SMYD3: variants seen among roughly 807,000 people sequenced by gnomAD.
The protein encoded by SMYD3 is SET and MYND domain containing 3.
Under a neutral mutation model 57.7 loss-of-function variants are expected in SMYD3, and 36 were observed. The ratio of observed to expected loss-of-function variants is 0.62; its 90% CI spans 0.48 to 0.82. The LOEUF (loss-of-function observed/expected upper bound fraction) is 0.82, where lower values mean the gene tolerates loss of function less well. Ranked by LOEUF, SMYD3 falls within the 40% of genes least tolerant of loss-of-function variation. The pLI is 0.00. For synonymous variants in SMYD3, 211 were observed against 195.0 expected, an observed-to-expected ratio of 1.08 and a Z score of -0.68; for missense variants, 515 against 538.8, an observed-to-expected ratio of 0.96 and a Z score of 0.44.
At chr1:245,893,403 C>A (rs2053519232) in intron 8 of SMYD3, among the ~76,000 whole-genome samples, 1 of 152,164 alleles carries the variant, frequency 6.6e-6, no homozygotes, top group Non-Finnish European at 1.5e-5. Flanking sequence ...TGCACAATAA[C>A]CTGTATGTGA....
chr1:246,189,436 G>T (rs1465572196), intron 5 of SMYD3, among the ~76,000 whole-genome samples: 1 of 152,124 alleles, frequency 6.6e-6, no homozygotes, highest in Non-Finnish European at 1.5e-5. Flanking sequence ...ATATATGTTT[G>T]TTTTTGCTAT....
chr1:245,850,481 C>A (rs1398799400), intron 10 of SMYD3, among the ~76,000 whole-genome samples: 8 of 152,090 alleles, frequency 5.3e-5, no homozygotes, highest in African/African-American at 1.7e-4. Flanking sequence ...CACTTGGGCC[C>A]AGGAGTTCAA....
At chr1:246,467,198 A>T (rs2067894708) in intron 1 of SMYD3, among the ~76,000 whole-genome samples, 1 of 152,174 alleles carries the variant, frequency 6.6e-6, no homozygotes, top group African/African-American at 2.4e-5. Context: ...AAATTTAAAA[A>T]TAAAATACAC....
At chr1:246,294,163 C>T (rs2064749709) in intron 5 of SMYD3, among the ~76,000 whole-genome samples, 1 of 152,072 alleles carries the variant, frequency 6.6e-6, no homozygotes, top group East Asian at 1.9e-4. Context: ...ACATTCCTTC[C>T]ACCTCCACAG....
At chr1:246,252,545 CTG>C (rs1363531158) in intron 5 of SMYD3, among the ~76,000 whole-genome samples, 1 of 151,152 alleles carries the variant, frequency 6.6e-6, no homozygotes, top group Non-Finnish European at 1.5e-5. Flanking sequence ...TTAAAGGTTT[CTG>C]TTTAAAAAAA....
intron 5 of SMYD3, among the ~76,000 whole-genome samples, chr1:246,076,962 G>A (rs899204199): frequency 6.6e-6 from 1 of 152,164 alleles, no homozygotes. Flanking sequence ...AAAGGAGAGA[G>A]ACAATCTTTT....
intron 5 of SMYD3, among the ~76,000 whole-genome samples, chr1:246,225,607 G>A (rs2063320109): frequency 6.6e-6 from 1 of 152,084 alleles, no homozygotes; most frequent in Non-Finnish European, 1.5e-5. Flanking sequence ...GGTGACAACA[G>A]AAGTTACGGA....
In SMYD3 at chr1:246,138,488, C is replaced by G. The variant is rs541481205; in HGVS notation, c.531+188713G>C. Among the ~76,000 whole-genome samples, 729 of 131,602 alleles carry G rather than the reference C, an allele frequency of 5.5e-3. 64 individuals carry two copies. Among genetic ancestry groups the G allele is most frequent in the Non-Finnish European group, 7.7e-3 (427 of 55,668 alleles). 86.3% of individuals were successfully genotyped at this position (131,602 alleles called of 152,430 possible). ...TCGCCCAGGCTGGAGTGCAGTGGCG[C>G]GATCTCAGCTCACTGCAAGCTCCGC... On this transcript the variant is annotated intron_variant, in intron 5 of 11. Coordinates refer to ENST00000490107, the MANE Select transcript of SMYD3 (RefSeq NM_001167740.2).
Position 246,427,530 on chromosome 1 carries a change from A to AAT in SMYD3, c.165-72437_165-72436insAT, listed in dbSNP as rs1553347265. On this transcript the variant is annotated intron_variant, in intron 1 of 11. Transcript: ENST00000490107. ...GCGAGACTCCGTCTCAAAAAAAAAA[A>AAT]AAATAAAAAAAAATAAATGTGAGCA... 4.2e-4 allele frequency among the ~76,000 whole-genome samples: 64 copies of AAT among 151,034 alleles called. 1 individual carries two copies. The highest frequency in any genetic ancestry group is 1.5e-3 in the African/African-American group (63 of 40,904).
rs992798830 is a variant in SMYD3, at chr1:246,355,167, A to G, written c.165-73T>C. 2.6e-5 allele frequency: 37 copies of G among 1,432,504 alleles called. 1 individual carries two copies. Among genetic ancestry groups the G allele is most frequent in the Non-Finnish European group, 3.4e-5 (35 of 1,016,134 alleles). 88.7% of individuals were successfully genotyped at this position (1,432,504 alleles called of 1,614,324 possible). On this transcript the variant is annotated intron_variant, in intron 1 of 11. Coordinates refer to ENST00000490107, the MANE Select transcript of SMYD3 (RefSeq NM_001167740.2). The surrounding 1 kb of genome is among the most constrained non-coding windows in gnomAD (Gnocchi z 5.0). ...TAGTACATAGTTGAAGAAAGAAAAC[A>G]TAAGTCAACATACGGACACCCGTAT...
intron 8 of SMYD3, among the ~76,000 whole-genome samples, chr1:245,892,426 C>T (rs2053444776): frequency 6.6e-6 from 1 of 152,198 alleles, no homozygotes; most frequent in Non-Finnish European, 1.5e-5. Flanking sequence ...AAAATTAAGA[C>T]CATCACAGGG....
intron 5 of SMYD3, among the ~76,000 whole-genome samples, chr1:246,087,820 C>G (rs1210543076): frequency 2.6e-5 from 4 of 152,156 alleles, no homozygotes; most frequent in Non-Finnish European, 5.9e-5. Flanking sequence ...TGAAGACTTA[C>G]GCGGACTGAA....
chr1:246,275,262 C>T (rs917622208), intron 5 of SMYD3, among the ~76,000 whole-genome samples: 6 of 152,254 alleles, frequency 3.9e-5, no homozygotes, highest in Admixed American at 3.9e-4. Flanking sequence ...ATGATACATA[C>T]AAGAACGGCA....
intron 5 of SMYD3, among the ~76,000 whole-genome samples, chr1:246,112,426 A>T (rs991630312): frequency 3.3e-5 from 5 of 152,208 alleles, no homozygotes; most frequent in African/African-American, 1.2e-4. Flanking sequence ...TAATTATTGT[A>T]TATTTGGATT....
At chr1:246,164,721 T>A (rs1171658250) in intron 5 of SMYD3, among the ~76,000 whole-genome samples, 3 of 152,224 alleles carry the variant, frequency 2.0e-5, no homozygotes, top group African/African-American at 7.2e-5. Context: ...ACAAGACTGA[T>A]AACGTCTCTG....
chr1:246,038,343 T>C (rs186254007), intron 5 of SMYD3, among the ~76,000 whole-genome samples: 4 of 152,202 alleles, frequency 2.6e-5, no homozygotes, highest in Admixed American at 6.5e-5. Context: ...AGTCAGACCA[T>C]GCTACCACCA....
chr1:246,011,043 A>G (rs554546330), intron 5 of SMYD3, among the ~76,000 whole-genome samples: 1 of 152,202 alleles, frequency 6.6e-6, no homozygotes, highest in Non-Finnish European at 1.5e-5. Flanking sequence ...GTCTAGCACC[A>G]CATTGGGACT....
intron 5 of SMYD3, among the ~76,000 whole-genome samples, chr1:245,955,398 T>G (rs1306392590): frequency 6.6e-6 from 1 of 152,232 alleles, no homozygotes; most frequent in Non-Finnish European, 1.5e-5. Context: ...TTTTATGTCT[T>G]TTCTTTTTTT....
chr1:245,834,538 C>G (rs966206148), intron 10 of SMYD3, among the ~76,000 whole-genome samples: 6 of 152,202 alleles, frequency 3.9e-5, no homozygotes, highest in African/African-American at 1.4e-4. Context: ...AACTTCTGTT[C>G]TCTGATACTA....
Sources: gnomAD v4.1 joint callset for allele counts (sites outside exome capture counted in the v4.1 genomes callset) on GRCh38, gnomAD v4.1.1 for gene constraint, Gnocchi (gnomAD v3.1) non-coding constraint, MANE v1.5 for transcripts, NCBI Gene and HGNC (gene_info 2026-07-23, HGNC 2026-07-21) for gene names.